BICD2: variants seen among roughly 807,000 people sequenced by gnomAD.
BICD2 encodes BICD cargo adaptor 2, also known as protein bicaudal D homolog 2.
In BICD2, 25 loss-of-function variants were observed where a neutral mutation model predicts 72.9. The observed-to-expected ratio is 0.34, with a 90% CI of 0.25 to 0.48. The LOEUF (loss-of-function observed/expected upper bound fraction) is 0.48, where lower values mean the gene tolerates loss of function less well. Among genes scored for constraint, BICD2 ranks in the 20% least tolerant of loss-of-function variants. The pLI, the probability that BICD2 is intolerant of heterozygous loss-of-function variation, is 0.99. For missense variants in BICD2, 894 were observed against 1,175.2 expected (o/e 0.76, Z 3.50); for synonymous variants, 501 against 516.1 (o/e 0.97, Z 0.40).
chr9:92,756,898 C>CAAGA (rs2131535362), intron 1 of BICD2, among the ~76,000 whole-genome samples: 1 of 150,378 alleles, frequency 6.6e-6, no homozygotes, highest in South Asian at 2.1e-4. Context: ...AAGAGAAAGA[C>CAAGA]AAGAGTAAGG....
At position 92,711,742 on chromosome 9, in the gene BICD2, T is replaced by C. The variant is rs1288460683; in HGVS notation, c.*3412A>G. ...CAAATGTAACAATATTTCTTATGAA[T>C]CAACACTGTAACGGAAGGTAAAAAT... On this transcript the variant is annotated 3_prime_UTR_variant, in exon 7 of 7. Coordinates refer to ENST00000356884, the MANE Select transcript of BICD2 (RefSeq NM_001003800.2). 1.3e-5 allele frequency: 2 copies of C among 152,584 alleles called. No individual in the cohort carries two copies. Among genetic ancestry groups the C allele is most frequent in the African/African-American group, 2.4e-5 (1 of 41,440 alleles). The allele number at this position is 152,584 out of a possible 1,614,324, so 9.5% of individuals were successfully genotyped here. A position where few individuals can be genotyped will look rare whatever the true frequency, so the allele number is the denominator to read the frequency against.
intron 4 of BICD2, among the ~76,000 whole-genome samples, chr9:92,719,957 A>G (rs1030054989): frequency 5.9e-5 from 9 of 152,148 alleles, no homozygotes; most frequent in African/African-American, 2.2e-4. Context: ...TTGGATCAAC[A>G]GGGATCCATG....
chr9:92,718,041 G>A, intron 5 of BICD2, 93 bp from the exon 6 acceptor site: 1 of 1,461,348 alleles, frequency 6.8e-7, no homozygotes, highest in African/African-American at 1.4e-5. Flanking sequence ...GGTCTGAAGT[G>A]GTGGCAGTGC....
chr9:92,720,053 T>A lies in BICD2; in HGVS notation c.1062+247A>T, dbSNP rs561624311. ...GGATCACATGTGGGCCAGTGTCTCATCACTTCACCCTGACACCACGTAGTT... is the reference window on the plus strand; with the variant it reads ...GGATCACATGTGGGCCAGTGTCTCAACACTTCACCCTGACACCACGTAGTT... On this transcript the variant is annotated intron_variant, in intron 4 of 6. Coordinates refer to ENST00000356884, the MANE Select transcript of BICD2 (RefSeq NM_001003800.2). The surrounding 1 kb of genome is among the most constrained non-coding windows in gnomAD (Gnocchi z 5.4). Among the ~76,000 whole-genome samples the A allele has an allele frequency of 6.6e-6, 1 of 152,318 alleles. No homozygotes were observed. Among genetic ancestry groups the A allele is most frequent in the Non-Finnish European group, 1.5e-5 (1 of 68,020 alleles).
In BICD2 at chr9:92,764,304, G is replaced by A. The variant is rs912491619; in HGVS notation, c.240+201C>T. The stretch of plus-strand genomic sequence containing the variant: ...AAGGCGCCCGGACCCCTGCATTAGC[G>A]GCGTCTGCAACGGCCGCGGCACCGG... On this transcript the variant is annotated intron_variant, in intron 1 of 6. Transcript: ENST00000356884. The surrounding 1 kb of genome is among the most constrained non-coding windows in gnomAD (Gnocchi z 5.5). 6.6e-6 allele frequency among the ~76,000 whole-genome samples: 1 copy of A among 152,130 alleles called. No individual in the cohort carries two copies. Among genetic ancestry groups the A allele is most frequent in the Non-Finnish European group, 1.5e-5 (1 of 67,988 alleles).
At chr9:92,717,487 C>T (rs930850687) in intron 6 of BICD2, among the ~76,000 whole-genome samples, 15 of 152,264 alleles carry the variant, frequency 9.9e-5, no homozygotes, top group Non-Finnish European at 1.3e-4. Context: ...ATGCCCTATG[C>T]TCCAGCAACT....
At chr9:92,725,540 T>C (rs1351371142) in intron 2 of BICD2, among the ~76,000 whole-genome samples, 2 of 152,250 alleles carry the variant, frequency 1.3e-5, no homozygotes, top group African/African-American at 4.8e-5. Flanking sequence ...CTTCTCCCAG[T>C]GAGCCTGTCT....
Position 92,713,826 on chromosome 9 carries a change from G to T in BICD2, c.*1328C>A. 1 of 1,103,570 alleles carries T rather than the reference G, an allele frequency of 9.1e-7. No individual in the cohort carries two copies. The highest frequency in any genetic ancestry group is 1.1e-6 in the Non-Finnish European group (1 of 898,886). The allele number at this position is 1,103,570 out of a possible 1,614,324, so 68.4% of individuals were successfully genotyped here. On this transcript the variant is annotated 3_prime_UTR_variant, in exon 7 of 7. Coordinates refer to ENST00000356884, the MANE Select transcript of BICD2 (RefSeq NM_001003800.2). ...GGACCGAAACATACTCGGCACCAAA[G>T]GGAAGAACGCGCAGGGCAGAGAGCT...
At position 92,764,486 on chromosome 9, in the gene BICD2, G is replaced by A; in HGVS notation, c.240+19C>T. 6.7e-7 allele frequency: 1 copy of A among 1,495,686 alleles called. No individual in the cohort carries two copies. Among genetic ancestry groups the A allele is most frequent in the Non-Finnish European group, 8.9e-7 (1 of 1,118,402 alleles). 92.7% of individuals were successfully genotyped at this position (1,495,686 alleles called of 1,614,324 possible). A position where few individuals can be genotyped will look rare whatever the true frequency, so the allele number is the denominator to read the frequency against. On this transcript the variant is annotated intron_variant, in intron 1 of 6. Coordinates refer to ENST00000356884, the MANE Select transcript of BICD2 (RefSeq NM_001003800.2). The surrounding 1 kb of genome is among the most constrained non-coding windows in gnomAD (Gnocchi z 5.5). ...CCCGGCGCCGGGCGGGGGTCGCAGG[G>A]CAGGGCGGCTCGGCTCACCTCCTTG... is the stretch of plus-strand genomic sequence containing the variant.
At position 92,714,006 on chromosome 9, in the gene BICD2, C is replaced by G; in HGVS notation, c.*1148G>C. The G allele has an allele frequency of 4.1e-6, 4 of 986,898 alleles. No homozygotes were observed. Among genetic ancestry groups the G allele is most frequent in the Non-Finnish European group, 4.8e-6 (4 of 830,860 alleles). 61.1% of individuals were successfully genotyped at this position (986,898 alleles called of 1,614,324 possible). On this transcript the variant is annotated 3_prime_UTR_variant, in exon 7 of 7. Coordinates refer to ENST00000356884, the MANE Select transcript of BICD2 (RefSeq NM_001003800.2). ...AAAAAGTACTGAGAAAAGTTCTGCT[C>G]AGAATGTGGGAAGGCAGGTGTGGAT...
chr9:92,732,345 C>G (rs1853694393), intron 1 of BICD2, among the ~76,000 whole-genome samples: 1 of 151,954 alleles, frequency 6.6e-6, no homozygotes, highest in African/African-American at 2.4e-5. Flanking sequence ...TTTCAAGAAG[C>G]CTTATGTAAG....
At chr9:92,723,874 A>G (rs1185440007) in intron 2 of BICD2, among the ~76,000 whole-genome samples, 1 of 152,178 alleles carries the variant, frequency 6.6e-6, no homozygotes, top group Non-Finnish European at 1.5e-5. Flanking sequence ...CCGCAGCCCT[A>G]GCAACATTCA....
intron 3 of BICD2, among the ~76,000 whole-genome samples, chr9:92,721,781 A>G (rs12236393): frequency 0.28 from 42,324 of 152,192 alleles, 6,967 homozygotes; most frequent in East Asian, 0.76. Context: ...TAAGGCCACC[A>G]TGCGCTGGGC....
Position 92,713,464 on chromosome 9 carries a change from G to T in BICD2, c.*1690C>A. On this transcript the variant is annotated 3_prime_UTR_variant, in exon 7 of 7. Transcript: ENST00000356884. The stretch of plus-strand genomic sequence containing the variant: ...TCCTCCTGGCAGCTACTCTACAGCT[G>T]AAAACGGGAGAAAAGAGAGCGTTAG... The T allele has an allele frequency of 6.3e-7, 1 of 1,589,836 alleles. No homozygotes were observed. Among genetic ancestry groups the T allele is most frequent in the Non-Finnish European group, 8.6e-7 (1 of 1,167,102 alleles).
chr9:92,747,495 G>C (rs1854038489), intron 1 of BICD2, among the ~76,000 whole-genome samples: 1 of 152,134 alleles, frequency 6.6e-6, no homozygotes, highest in African/African-American at 2.4e-5. Flanking sequence ...GCTCAGGACA[G>C]GGGGGTCACC....
intron 2 of BICD2, among the ~76,000 whole-genome samples, chr9:92,724,878 C>A (rs1385975312): frequency 1.3e-5 from 2 of 152,216 alleles, no homozygotes; most frequent in African/African-American, 4.8e-5. Flanking sequence ...TCCTTGCTAA[C>A]TGGCAAGCAA....
At chr9:92,750,636 G>A in intron 1 of BICD2, among the ~76,000 whole-genome samples, 1 of 152,104 alleles carries the variant, frequency 6.6e-6, no homozygotes, top group South Asian at 2.1e-4. Context: ...GTTGACGGGG[G>A]TGGATTTAAA....
At position 92,712,145 on chromosome 9, in the gene BICD2, A is replaced by G. The variant is rs1853206883; in HGVS notation, c.*3009T>C. 1 of 152,664 alleles carries G rather than the reference A, an allele frequency of 6.6e-6. No individual in the cohort carries two copies. Among genetic ancestry groups the G allele is most frequent in the Non-Finnish European group, 1.5e-5 (1 of 68,048 alleles). The allele number at this position is 152,664 out of a possible 1,614,324, so 9.5% of individuals were successfully genotyped here. A position where few individuals can be genotyped will look rare whatever the true frequency, so the allele number is the denominator to read the frequency against. ...TCAGCTCTTCACAAACGTGGCGTTC[A>G]TACAGCTTGCTCAGCTTGTCCCAGA... On this transcript the variant is annotated 3_prime_UTR_variant, in exon 7 of 7. Coordinates refer to ENST00000356884, the MANE Select transcript of BICD2 (RefSeq NM_001003800.2).
At chr9:92,758,742 T>C (rs1854314590) in intron 1 of BICD2, among the ~76,000 whole-genome samples, 1 of 151,364 alleles carries the variant, frequency 6.6e-6, no homozygotes, top group Non-Finnish European at 1.5e-5. Context: ...TAATCCCAGC[T>C]ACTAGGGAGG....
Sources: allele counts gnomAD v4.1 joint callset (sites outside exome capture counted in the v4.1 genomes callset), GRCh38; gene constraint gnomAD v4.1.1; non-coding constraint Gnocchi (gnomAD v3.1); transcripts MANE v1.5; gene names NCBI Gene and HGNC (gene_info 2026-07-23, HGNC 2026-07-21).